TENM1: variants seen among roughly 807,000 people sequenced by gnomAD.
TENM1 encodes the protein teneurin transmembrane protein 1.
Under a neutral mutation model 174.8 loss-of-function variants are expected in TENM1, and 35 were observed. That is an observed-to-expected ratio of 0.20 (90% CI 0.15 to 0.27). The LOEUF (loss-of-function observed/expected upper bound fraction) is 0.27. Ranked by LOEUF, TENM1 falls within the 10% of genes least tolerant of loss-of-function variation. The pLI, the probability that TENM1 is intolerant of heterozygous loss-of-function variation, is 1.00. For synonymous variants in TENM1, 781 were observed against 798.7 expected, an observed-to-expected ratio of 0.98 and a Z score of 0.37; for missense variants, 1,633 against 2,130.1, an observed-to-expected ratio of 0.77 and a Z score of 4.59.
intron 3 of TENM1, among the ~76,000 whole-genome samples, chrX:124,787,429 G>A (rs770262589): frequency 9.5e-6 from 1 of 105,804 alleles, no homozygotes; most frequent in Non-Finnish European, 1.9e-5. Flanking sequence ...TTTGATTTGG[G>A]CCCCTTTCCT....
the TENM1 span, among the ~76,000 whole-genome samples, chrX:125,063,328 G>A: frequency 8.9e-6 from 1 of 111,873 alleles, no homozygotes; most frequent in Non-Finnish European, 1.9e-5. Context: ...TAACATGTGT[G>A]AACAGGATCT....
chrX:125,167,537 AT>A, the TENM1 span, among the ~76,000 whole-genome samples: 1 of 111,056 alleles, frequency 9.0e-6, no homozygotes, highest in Non-Finnish European at 1.9e-5. Context: ...TTTCTATATT[AT>A]TTTTTTCCTC....
intron 3 of TENM1, among the ~76,000 whole-genome samples, chrX:124,802,283 T>A (rs942536733): frequency 8.9e-6 from 1 of 111,874 alleles, no homozygotes; most frequent in Non-Finnish European, 1.9e-5. Context: ...CTGGCCCTTC[T>A]ATAGGGTTTT....
intron 3 of TENM1, among the ~76,000 whole-genome samples, chrX:124,847,791 T>TTAA (rs2056638640): frequency 8.9e-6 from 1 of 111,818 alleles, no homozygotes; most frequent in African/African-American, 3.2e-5. Flanking sequence ...CTTAAGATTC[T>TTAA]GAGTAGGCTT....
intron 8 of TENM1, among the ~76,000 whole-genome samples, chrX:124,650,300 A>G (rs2051271749): frequency 9.1e-6 from 1 of 109,793 alleles, no homozygotes; most frequent in African/African-American, 3.3e-5. Flanking sequence ...AGTTTTCTTT[A>G]AGTGGAATGG....
intron 3 of TENM1, among the ~76,000 whole-genome samples, chrX:124,817,261 G>A (rs192573992): frequency 1.3e-4 from 15 of 111,486 alleles, no homozygotes; most frequent in African/African-American, 4.2e-4. Flanking sequence ...GTGTATATGC[G>A]CTACATTTTC....
intron 23 of TENM1, among the ~76,000 whole-genome samples, chrX:124,445,854 C>T (rs113146497): frequency 1.8e-5 from 2 of 111,912 alleles, no homozygotes; most frequent in Non-Finnish European, 3.8e-5. Flanking sequence ...GTTACCAGAG[C>T]AGGATGATTC....
chrX:124,588,101 A>T (rs1258386181), intron 11 of TENM1, among the ~76,000 whole-genome samples: 2 of 111,770 alleles, frequency 1.8e-5, no homozygotes, highest in Non-Finnish European at 3.8e-5. Context: ...GGGACTGTAA[A>T]CTAGTTCAAC....
chrX:125,098,756 G>A, the TENM1 span, among the ~76,000 whole-genome samples: 2 of 112,016 alleles, frequency 1.8e-5, no homozygotes, highest in Non-Finnish European at 3.8e-5. Context: ...AGGAAAAAGG[G>A]CTAATAAAAT....
chrX:125,104,292 C>G, the TENM1 span, among the ~76,000 whole-genome samples: 1 of 111,992 alleles, frequency 8.9e-6, no homozygotes, highest in South Asian at 3.8e-4. Flanking sequence ...TCAGAAAAAT[C>G]TTGCCACAGT....
intron 11 of TENM1, among the ~76,000 whole-genome samples, chrX:124,571,751 T>C (rs1462485121): frequency 9.0e-6 from 1 of 111,150 alleles, no homozygotes; most frequent in Non-Finnish European, 1.9e-5. Flanking sequence ...TGAGAAGAAA[T>C]AGAAAACCTG....
At chrX:124,743,626 T>C (rs1022602496) in intron 3 of TENM1, among the ~76,000 whole-genome samples, 14 of 112,001 alleles carry the variant, frequency 1.2e-4, no homozygotes, top group African/African-American at 4.5e-4. Context: ...TCCACAGCCC[T>C]GGATACTATT....
chrX:125,007,153 C>G, the TENM1 span, among the ~76,000 whole-genome samples: 1 of 111,119 alleles, frequency 9.0e-6, no homozygotes, highest in Non-Finnish European at 1.9e-5. Flanking sequence ...GAGCTGCTAA[C>G]TAGAAAAACC....
In TENM1 at chrX:124,563,412, T is replaced by C. The variant is rs191882753; in HGVS notation, c.2287+337A>G. ...AAAAATTATTTAATAATTATTAAAT[T>C]ATTAAAAATTATTTAATAATTACCT... On this transcript the variant is annotated intron_variant, in intron 13 of 31. Transcript: ENST00000422452. Among the ~76,000 whole-genome samples the C allele has an allele frequency of 8.7e-3, 943 of 108,573 alleles. 8 individuals are homozygous for C. The highest frequency in any genetic ancestry group is 0.03 in the African/African-American group (892 of 29,932). The allele number at this position is 108,573 out of a possible 115,157, so 94.3% of individuals were successfully genotyped here. A position where few individuals can be genotyped will look rare whatever the true frequency, so the allele number is the denominator to read the frequency against.
At chrX:125,000,460 T>C in the TENM1 span, among the ~76,000 whole-genome samples, 1 of 111,805 alleles carries the variant, frequency 8.9e-6, no homozygotes, top group Non-Finnish European at 1.9e-5. Flanking sequence ...TACATTGTTT[T>C]ATAGGATTTA....
chrX:124,794,825 T>C, intron 3 of TENM1, among the ~76,000 whole-genome samples: 1 of 111,331 alleles, frequency 9.0e-6, no homozygotes, highest in Middle Eastern at 4.6e-3. Context: ...CCTTAGTCTA[T>C]CACATTTTTG....
At chrX:124,434,851 C>T (rs750671757) in intron 23 of TENM1, among the ~76,000 whole-genome samples, 27 of 112,086 alleles carry the variant, frequency 2.4e-4, no homozygotes, top group Non-Finnish European at 4.3e-4. Flanking sequence ...CTCTGTTTCT[C>T]GGGTTTTATC....
At chrX:124,879,883 C>T (rs2147510770) in intron 3 of TENM1, among the ~76,000 whole-genome samples, 1 of 111,544 alleles carries the variant, frequency 9.0e-6, no homozygotes, top group East Asian at 2.8e-4. Flanking sequence ...TGTCTGGGTT[C>T]TCTATTCTTT....
chrX:124,849,172 T>C (rs2056669549), intron 3 of TENM1, among the ~76,000 whole-genome samples: 2 of 111,420 alleles, frequency 1.8e-5, no homozygotes, highest in Admixed American at 1.9e-4. Context: ...CCATTATTTC[T>C]CTTAAGACTT....
Sources: allele counts gnomAD v4.1 joint callset (sites outside exome capture counted in the v4.1 genomes callset), GRCh38; gene constraint gnomAD v4.1.1; transcripts MANE v1.5; gene names NCBI Gene and HGNC (gene_info 2026-07-23, HGNC 2026-07-21).